PARG: variants seen among roughly 807,000 people sequenced by gnomAD.
The protein encoded by PARG is mitochondrial poly(ADP-ribose) glycohydrolase.
PARG carries 35 observed loss-of-function variants against 113.0 expected under a neutral mutation model. The observed-to-expected ratio is 0.31, with a 90% CI of 0.24 to 0.41. The LOEUF (loss-of-function observed/expected upper bound fraction) is 0.41. Among genes scored for constraint, PARG ranks in the 10% least tolerant of loss-of-function variants. The pLI, the probability that PARG is intolerant of heterozygous loss-of-function variation, is 1.00. For missense variants in PARG, 797 were observed against 1,169.4 expected (o/e 0.68, Z 4.64); for synonymous variants, 330 against 409.9 (o/e 0.81, Z 2.36).
chr10:49,834,841 C>A (rs1844839135), intron 15 of PARG, among the ~76,000 whole-genome samples: 1 of 151,934 alleles, frequency 6.6e-6, no homozygotes, highest in African/African-American at 2.4e-5. Flanking sequence ...TATCCCCCAC[C>A]CCTGCCACCA....
intron 13 of PARG, among the ~76,000 whole-genome samples, chr10:49,854,300 T>C (rs868970916): frequency 6.6e-6 from 1 of 151,782 alleles, no homozygotes; most frequent in African/African-American, 2.4e-5. Flanking sequence ...AAGGCTGTCT[T>C]TACTTTACAG....
In PARG at chr10:49,934,161, A is replaced by C. The variant is rs1838629795; in HGVS notation, c.287T>G (p.Leu96Trp). The change falls in exon 3 of 18, where the codon TTG becomes TGG. Residue 96 changes from leucine (L) to tryptophan (W), a missense_variant and splice_region_variant. Coordinates refer to ENST00000616448, the MANE Select transcript of PARG (RefSeq NM_003631.5). ...TGTATTGTTGTTTTCTTTACTATCC[A>C]AACTACAAGAGAACAGAAAGAACTA... ...KGIKTAESES[L>W]DSKENNNTRI... 2 of 1,008,552 alleles carry C rather than the reference A, an allele frequency of 2.0e-6. No homozygotes were observed. The highest frequency in any genetic ancestry group is 3.5e-5 in the Admixed American group (2 of 56,630). 62.5% of individuals were successfully genotyped at this position (1,008,552 alleles called of 1,614,324 possible). A position where few individuals can be genotyped will look rare whatever the true frequency, so the allele number is the denominator to read the frequency against.
At chr10:49,848,742 T>C (rs1209803640) in intron 13 of PARG, among the ~76,000 whole-genome samples, 24 of 152,140 alleles carry the variant, frequency 1.6e-4, no homozygotes, top group African/African-American at 5.6e-4. Context: ...CATTTCCACA[T>C]AGTAGCAATG....
At chr10:49,919,177 G>A (rs1837663372) in intron 6 of PARG, among the ~76,000 whole-genome samples, 1 of 152,132 alleles carries the variant, frequency 6.6e-6, no homozygotes, top group African/African-American at 2.4e-5. Flanking sequence ...CTGACCTCTG[G>A]CGACCTGCCT....
chr10:49,853,034 ATTTT>A (rs4012511), intron 13 of PARG, among the ~76,000 whole-genome samples: 1 of 133,812 alleles, frequency 7.5e-6, no homozygotes, highest in Non-Finnish European at 1.6e-5. Context: ...TAAAAAAAAA[ATTTT>A]TTTTTTTTTT....
chr10:49,882,071 G>A (rs1333639598), intron 8 of PARG, among the ~76,000 whole-genome samples: 1 of 152,094 alleles, frequency 6.6e-6, no homozygotes, highest in East Asian at 1.9e-4. Flanking sequence ...AGGATTAATG[G>A]ACTTCAAACA....
At chr10:49,935,413 C>A (rs1218767949) in intron 1 of PARG, among the ~76,000 whole-genome samples, 2 of 152,248 alleles carry the variant, frequency 1.3e-5, no homozygotes, top group South Asian at 4.1e-4. Context: ...AATCCTGATT[C>A]TCCCATTAGC....
intron 12 of PARG, among the ~76,000 whole-genome samples, chr10:49,860,993 C>T (rs1340979613): frequency 1.3e-5 from 2 of 150,206 alleles, no homozygotes; most frequent in African/African-American, 2.4e-5. Flanking sequence ...AAGGTAAAGG[C>T]GGTAACAGAT....
Position 49,941,617 on chromosome 10 carries a change from G to A in PARG, c.109C>T (p.Arg37Cys). 6.3e-7 allele frequency: 1 copy of A among 1,588,528 alleles called. No homozygotes were observed. The highest frequency in any genetic ancestry group is 8.6e-7 in the Non-Finnish European group (1 of 1,168,604). ...TGAGCGTCCTTGGGGTCGAGGACGCGCCTCTGCCTGCTGGGAAAGCTCCGG... is the reference window on the plus strand; with the variant it reads ...TGAGCGTCCTTGGGGTCGAGGACGCACCTCTGCCTGCTGGGAAAGCTCCGG... ...DARSFPSRQR[R>C]VLDPKDAHVQ... is the part of the protein sequence containing the mutation. The change falls in exon 1 of 18, where the codon CGC (arginine) becomes TGC (cysteine). Residue 37 changes from arginine to cysteine, a missense_variant. Physicochemically the swap from Arg to Cys is radical, Grantham distance 180. Coordinates refer to ENST00000616448, the MANE Select transcript of PARG (RefSeq NM_003631.5).
chr10:49,833,122 T>G (rs573630774), intron 15 of PARG: 1 of 336,976 alleles, frequency 3.0e-6, no homozygotes, highest in South Asian at 9.4e-5. Flanking sequence ...TGATAAATTC[T>G]AATATTTATT....
At chr10:49,922,219 G>A (rs1837913734) in intron 6 of PARG, 117 bp downstream of exon 6, 1 of 1,104,882 alleles carries the variant, frequency 9.1e-7, no homozygotes, top group South Asian at 1.6e-5. Flanking sequence ...CTTAGTGCCA[G>A]GAAGCAAGCA....
At chr10:49,917,227 G>A (rs1359475752) in intron 6 of PARG, among the ~76,000 whole-genome samples, 33 of 151,932 alleles carry the variant, frequency 2.2e-4, no homozygotes, top group African/African-American at 6.5e-4. Flanking sequence ...GCAGTGGCTC[G>A]CGCCTGTAAT....
intron 7 of PARG, among the ~76,000 whole-genome samples, chr10:49,908,697 G>A (rs1156343040): frequency 2.6e-5 from 4 of 152,006 alleles, no homozygotes; most frequent in East Asian, 1.9e-4. Flanking sequence ...GATTATCTAC[G>A]AAGAATGTTA....
intron 13 of PARG, among the ~76,000 whole-genome samples, chr10:49,847,134 CAAAT>C (rs1845549978): frequency 6.6e-6 from 1 of 151,442 alleles, no homozygotes. Context: ...TAAGTATACA[CAAAT>C]AAGGAAAAAG....
intron 13 of PARG, among the ~76,000 whole-genome samples, chr10:49,850,093 A>C (rs1845691381): frequency 7.0e-6 from 1 of 142,652 alleles, no homozygotes; most frequent in African/African-American, 2.6e-5. Context: ...TTGAGTAAGA[A>C]CTTGCCGAAT....
intron 16 of PARG, among the ~76,000 whole-genome samples, chr10:49,825,557 T>C (rs1402626166): frequency 1.3e-5 from 2 of 152,224 alleles, no homozygotes; most frequent in Non-Finnish European, 2.9e-5. Flanking sequence ...GTAAAGAATA[T>C]ATTTAGTACA....
intron 15 of PARG, among the ~76,000 whole-genome samples, chr10:49,837,852 T>C (rs1845019898): frequency 6.6e-6 from 1 of 152,218 alleles, no homozygotes; most frequent in Admixed American, 6.5e-5. Flanking sequence ...CATGTGTTGA[T>C]AGGCTCTATT....
At chr10:49,932,313 A>T (rs1838532285) in intron 3 of PARG, 30 bp from the exon 4 acceptor site, 3 of 1,320,726 alleles carry the variant, frequency 2.3e-6, no homozygotes, top group Admixed American at 1.7e-5. Flanking sequence ...ATTTAGTCAC[A>T]AATTATTTAC....
intron 8 of PARG, among the ~76,000 whole-genome samples, chr10:49,884,506 C>T (rs1425502309): frequency 2.0e-5 from 3 of 152,122 alleles, no homozygotes; most frequent in African/African-American, 7.2e-5. Flanking sequence ...AGTTGAGGCA[C>T]AAGAATTGCT....
Sources: allele counts gnomAD v4.1 joint callset (sites outside exome capture counted in the v4.1 genomes callset), GRCh38; gene constraint gnomAD v4.1.1; transcripts MANE v1.5; gene names NCBI Gene and HGNC (gene_info 2026-07-23, HGNC 2026-07-21).